EHF: variants seen among roughly 807,000 people sequenced by gnomAD.
EHF encodes the protein ESE3 transcription factor.
Under a neutral mutation model 45.1 loss-of-function variants are expected in EHF, and 14 were observed. The ratio of observed to expected loss-of-function variants is 0.31; its 90% CI spans 0.21 to 0.49. The LOEUF (loss-of-function observed/expected upper bound fraction) is 0.49, where lower values mean the gene tolerates loss of function less well. Among genes scored for constraint, EHF ranks in the 20% least tolerant of loss-of-function variants. The pLI is 0.99. For synonymous variants in EHF, 136 were observed against 131.8 expected (o/e 1.03, Z -0.22); for missense variants, 282 against 371.4 (o/e 0.76, Z 1.98).
rs532925193 is a variant in EHF, at chr11:34,628,662, G to C, written c.-4+7434G>C. On this transcript the variant is annotated intron_variant, in intron 1 of 8. Transcript: ENST00000257831. ...AATGGTAATTTGTTGAGTGCCTGCTGTAAGCCAGGTGGTTACAGTCCTGTT... is the reference window on the plus strand; with the variant it reads ...AATGGTAATTTGTTGAGTGCCTGCTCTAAGCCAGGTGGTTACAGTCCTGTT... Among the ~76,000 whole-genome samples the C allele has an allele frequency of 5.3e-5, 8 of 152,324 alleles. No individual in the cohort carries two copies. The South Asian group carries it at 1.4e-3, about 28-fold the overall frequency.
chr11:34,623,693 C>G (rs1852140493), intron 1 of EHF, among the ~76,000 whole-genome samples: 1 of 152,154 alleles, frequency 6.6e-6, no homozygotes, highest in Admixed American at 6.5e-5. Flanking sequence ...TGCTTTTGGC[C>G]AAAGTTCACT....
chr11:34,629,290 C>G (rs1401121048), intron 1 of EHF, among the ~76,000 whole-genome samples: 1 of 152,108 alleles, frequency 6.6e-6, no homozygotes, highest in Non-Finnish European at 1.5e-5. Context: ...GCTGGCAATA[C>G]TGGTGGGTTT....
At position 34,661,824 on chromosome 11, in the gene EHF, C is replaced by T. The variant is rs1343155206; in HGVS notation, c.*2893C>T. ...GTCACTAAACATGTTATCCTTAAAC[C>T]CCCCGTATGCCTGAGTTGAAAGGGC... is the stretch of plus-strand genomic sequence containing the variant. On this transcript the variant is annotated 3_prime_UTR_variant, in exon 9 of 9. Transcript: ENST00000257831. Among the ~76,000 whole-genome samples the T allele has an allele frequency of 1.3e-5, 2 of 152,016 alleles. No individual in the cohort carries two copies. The highest frequency in any genetic ancestry group is 3.9e-4 in the East Asian group (2 of 5,186).
At chr11:34,657,791 GA>G (rs113430448) in intron 7 of EHF, among the ~76,000 whole-genome samples, 2,073 of 114,778 alleles carry the variant, frequency 0.018, 33 homozygotes, top group African/African-American at 0.057. Context: ...TCCTGTCTCA[GA>G]AAAAAAAAAA....
chr11:34,650,471 G>A (rs138359085), intron 4 of EHF, among the ~76,000 whole-genome samples: 23 of 152,268 alleles, frequency 1.5e-4, no homozygotes, highest in Non-Finnish European at 2.4e-4. Flanking sequence ...TCCCTATGTC[G>A]TAAACACGAG....
intron 1 of EHF, chr11:34,642,423 CT>C: frequency 2.0e-6 from 1 of 490,586 alleles, no homozygotes; most frequent in South Asian, 2.8e-5. Flanking sequence ...AAAAACTTGC[CT>C]CATGCATATG....
chr11:34,638,708 A>C (rs1048003785), intron 1 of EHF, among the ~76,000 whole-genome samples: 2 of 152,144 alleles, frequency 1.3e-5, no homozygotes, highest in East Asian at 1.9e-4. Context: ...TCCACATTTC[A>C]GTGGTGGAGA....
chr11:34,653,181 CATCCTTCCATCCTTCCA>C (rs2134197064), intron 6 of EHF, among the ~76,000 whole-genome samples: 1 of 83,020 alleles, frequency 1.2e-5, no homozygotes, highest in East Asian at 2.3e-4. Flanking sequence ...TCCATCCTTC[CATCCTTCCATCCTTCCA>C]CTTGGGTCTT....
chr11:34,649,129 G>A (rs375908067), intron 4 of EHF, 48 bp downstream of exon 4: 47 of 1,597,648 alleles, frequency 2.9e-5, no homozygotes, highest in Non-Finnish European at 3.6e-5. Context: ...GCAAAGCTCC[G>A]GGGAGGACAG....
At chr11:34,643,284 A>G (rs1382139549) in intron 2 of EHF, among the ~76,000 whole-genome samples, 1 of 152,140 alleles carries the variant, frequency 6.6e-6, no homozygotes, top group Admixed American at 6.5e-5. Flanking sequence ...GGGCGTATAG[A>G]GGGTTTGGTG....
At chr11:34,638,585 G>T (rs1853674600) in intron 1 of EHF, among the ~76,000 whole-genome samples, 1 of 152,142 alleles carries the variant, frequency 6.6e-6, no homozygotes, top group African/African-American at 2.4e-5. Flanking sequence ...GGTGGTTTTT[G>T]CCTCAGGGAC....
chr11:34,657,169 C>G (rs1855750262), intron 7 of EHF, among the ~76,000 whole-genome samples, 199 bp downstream of exon 7: 1 of 152,122 alleles, frequency 6.6e-6, no homozygotes, highest in Non-Finnish European at 1.5e-5. Context: ...AAGTGGAGCC[C>G]CACTGGACAT....
chr11:34,646,809 G>A, intron 3 of EHF, 125 bp downstream of exon 3: 2 of 1,246,426 alleles, frequency 1.6e-6, no homozygotes, highest in Admixed American at 2.0e-5. Context: ...AAATTACCAT[G>A]TCCCAAGACA....
At position 34,662,439 on chromosome 11, in the gene EHF, C is replaced by T. The variant is rs1856143142; in HGVS notation, c.*3508C>T. On this transcript the variant is annotated 3_prime_UTR_variant, in exon 9 of 9. Transcript: ENST00000257831. ...TGTTGCCTTATTGGGAACTGTGAGA[C>T]TTATCTGGTATGAGAAGCCAGTAAT... Among the ~76,000 whole-genome samples, 1 of 151,994 alleles carries T rather than the reference C, an allele frequency of 6.6e-6. No homozygotes were observed. The highest frequency in any genetic ancestry group is 1.5e-5 in the Non-Finnish European group (1 of 67,988).
rs557701109 is a variant in EHF, at chr11:34,662,028, G to A, written c.*3097G>A. ...GTGCCATCTGAGAAGGGAGACCCAG[G>A]TTGTGAGTTTTCCTTTGAACACATT... On this transcript the variant is annotated 3_prime_UTR_variant, in exon 9 of 9. Coordinates refer to ENST00000257831, the MANE Select transcript of EHF (RefSeq NM_012153.6). 1.1e-4 allele frequency among the ~76,000 whole-genome samples: 16 copies of A among 152,226 alleles called. No individual in the cohort carries two copies. The highest frequency in any genetic ancestry group is 9.2e-4 in the Admixed American group (14 of 15,256).
chr11:34,657,580 G>A (rs532966013), intron 7 of EHF, among the ~76,000 whole-genome samples: 17 of 151,954 alleles, frequency 1.1e-4, no homozygotes, highest in African/African-American at 4.1e-4. Context: ...CTTGAGCTCA[G>A]GAGTTCAAGA....
intron 1 of EHF, among the ~76,000 whole-genome samples, chr11:34,629,324 G>T (rs1852664236): frequency 6.6e-6 from 1 of 152,134 alleles, no homozygotes; most frequent in Admixed American, 6.6e-5. Flanking sequence ...TTTACAGAGG[G>T]CTTGCTACGT....
At chr11:34,653,977 G>C (rs1855453623) in intron 6 of EHF, among the ~76,000 whole-genome samples, 1 of 152,104 alleles carries the variant, frequency 6.6e-6, no homozygotes, top group Non-Finnish European at 1.5e-5. Flanking sequence ...TGTTCTGCTC[G>C]ACAGTCCTCC....
chr11:34,648,942 C>A, intron 3 of EHF, 77 bp from the exon 4 acceptor site: 2 of 1,379,454 alleles, frequency 1.4e-6, no homozygotes, highest in East Asian at 4.7e-5. Context: ...GCAAAGATGC[C>A]AGTTCTGTCC....
Sources: gnomAD v4.1 joint callset for allele counts (sites outside exome capture counted in the v4.1 genomes callset) on GRCh38, gnomAD v4.1.1 for gene constraint, MANE v1.5 for transcripts, NCBI Gene and HGNC (gene_info 2026-07-23, HGNC 2026-07-21) for gene names.